The following HPSE2 variants were observed in gnomAD, a reference collection of about 807,000 sequenced individuals.
The protein encoded by HPSE2 is heparanase 2 (inactive).
In HPSE2, 38 loss-of-function variants were observed where a neutral mutation model predicts 60.5. That is an observed-to-expected ratio of 0.63 (90% CI 0.48 to 0.82). HPSE2 has a LOEUF of 0.82. HPSE2 is among the 40% of genes least tolerant of loss of function. The pLI is 0.00. For synonymous variants in HPSE2, 295 were observed against 293.2 expected, an observed-to-expected ratio of 1.01 and a Z score of -0.06; for missense variants, 713 against 740.4, an observed-to-expected ratio of 0.96 and a Z score of 0.43.
chr10:98,907,751 G>A (rs1426883238), intron 3 of HPSE2, among the ~76,000 whole-genome samples: 1 of 152,110 alleles, frequency 6.6e-6, no homozygotes, highest in South Asian at 2.1e-4. Flanking sequence ...AGTCAATCTG[G>A]ATAAAAACAC....
In HPSE2 at chr10:99,002,089, G is replaced by A. The variant is rs182340459; in HGVS notation, c.610+142149C>T. On this transcript the variant is annotated intron_variant, in intron 3 of 11. Coordinates refer to ENST00000370552, the MANE Select transcript of HPSE2 (RefSeq NM_021828.5). ...ACAAAAATCTGCAATGAGGAGGTAC[G>A]TCAAAGAGACATGGGAGCCAACTGA... 5.3e-5 allele frequency among the ~76,000 whole-genome samples: 8 copies of A among 152,178 alleles called. No homozygotes were observed. In the East Asian group the frequency reaches 1.4e-3, roughly 26 times the overall value.
intron 11 of HPSE2, chr10:98,461,838 C>A: frequency 6.4e-7 from 1 of 1,568,798 alleles, no homozygotes; most frequent in Non-Finnish European, 8.7e-7. Context: ...TGCAAAACAA[C>A]GTGTGATTAG....
At chr10:98,674,474 C>G (rs1400151358) in intron 6 of HPSE2, among the ~76,000 whole-genome samples, 2 of 152,200 alleles carry the variant, frequency 1.3e-5, no homozygotes, top group Non-Finnish European at 2.9e-5. Context: ...GACATGAGAA[C>G]AGTAATCACA....
At chr10:98,591,266 G>C (rs1282745006) in intron 9 of HPSE2, among the ~76,000 whole-genome samples, 2 of 152,152 alleles carry the variant, frequency 1.3e-5, no homozygotes, top group African/African-American at 2.4e-5. Flanking sequence ...AATTTACATG[G>C]AGCACCACGT....
At chr10:98,480,588 G>A (rs1251653988) in intron 11 of HPSE2, among the ~76,000 whole-genome samples, 3 of 152,144 alleles carry the variant, frequency 2.0e-5, no homozygotes, top group Non-Finnish European at 4.4e-5. Flanking sequence ...TAGGGGTGGG[G>A]TAAATAGGTT....
chr10:98,900,790 T>C (rs34961884), intron 3 of HPSE2, among the ~76,000 whole-genome samples: 68,396 of 152,006 alleles, frequency 0.45, 17,981 homozygotes, highest in Non-Finnish European at 0.6. Flanking sequence ...TACCATCACT[T>C]TGCAAACACA....
intron 3 of HPSE2, among the ~76,000 whole-genome samples, chr10:98,842,476 G>A (rs1951937908): frequency 6.7e-6 from 1 of 150,146 alleles, no homozygotes; most frequent in Non-Finnish European, 1.5e-5. Context: ...AATTCATTGA[G>A]CTTTAATATC....
chr10:99,165,518 CATTTATTTACGT>C (rs1471890482), intron 2 of HPSE2, among the ~76,000 whole-genome samples: 5 of 138,854 alleles, frequency 3.6e-5, no homozygotes, highest in Non-Finnish European at 6.2e-5. Context: ...TTGTTCTGTT[CATTTATTTACGT>C]ATTTATTTAT....
At chr10:98,875,016 A>C (rs531389152) in intron 3 of HPSE2, among the ~76,000 whole-genome samples, 33 of 152,170 alleles carry the variant, frequency 2.2e-4, no homozygotes, top group African/African-American at 6.5e-4. Flanking sequence ...GTTTGCCAGT[A>C]TTTTATTGAG....
At chr10:98,734,178 T>C (rs1029978451) in intron 4 of HPSE2, among the ~76,000 whole-genome samples, 1 of 152,222 alleles carries the variant, frequency 6.6e-6, no homozygotes, top group African/African-American at 2.4e-5. Context: ...TTGTAGAATG[T>C]ATCAGTACTT....
At chr10:98,631,414 A>C (rs1946361803) in intron 7 of HPSE2, among the ~76,000 whole-genome samples, 1 of 152,208 alleles carries the variant, frequency 6.6e-6, no homozygotes, top group African/African-American at 2.4e-5. Context: ...AGTGAGAGAG[A>C]GATTGGAAAG....
intron 9 of HPSE2, among the ~76,000 whole-genome samples, chr10:98,558,429 T>C (rs1944076077): frequency 6.6e-6 from 1 of 152,244 alleles, no homozygotes; most frequent in African/African-American, 2.4e-5. Context: ...CATCCCACAA[T>C]GAGAATGAGC....
At chr10:99,184,428 G>A (rs186296818) in intron 2 of HPSE2, among the ~76,000 whole-genome samples, 26 of 149,978 alleles carry the variant, frequency 1.7e-4, no homozygotes, top group Admixed American at 1.1e-3. Flanking sequence ...GGGAGGCTGA[G>A]GCAGTGGAAT....
intron 6 of HPSE2, among the ~76,000 whole-genome samples, chr10:98,655,427 C>G (rs1329350969): frequency 6.6e-6 from 1 of 152,148 alleles, no homozygotes. Context: ...AGTGCTGATA[C>G]CAGCTTATGG....
intron 3 of HPSE2, among the ~76,000 whole-genome samples, chr10:99,109,503 C>T (rs1333644531): frequency 6.6e-6 from 1 of 152,062 alleles, no homozygotes; most frequent in Admixed American, 6.6e-5. Context: ...GATTATTTCG[C>T]AGCTGAAACT....
At position 99,235,409 on chromosome 10, in the gene HPSE2, T is replaced by C. The variant is rs1478630813; in HGVS notation, c.290+104A>G. On this transcript the variant is annotated intron_variant, in intron 1 of 11. Transcript: ENST00000370552. ...CCTCTTTTCTTCTCTTTGAGAGATCTGCTTGGCTTATTTTCTTCTTTCCCC... is the reference window on the plus strand; with the variant it reads ...CCTCTTTTCTTCTCTTTGAGAGATCCGCTTGGCTTATTTTCTTCTTTCCCC... 4.7e-6 allele frequency: 5 copies of C among 1,074,700 alleles called. No homozygotes were observed. In the South Asian group the frequency reaches 5.0e-5, roughly 11 times the overall value. The allele number at this position is 1,074,700 out of a possible 1,614,324, so 66.6% of individuals were successfully genotyped here. A position where few individuals can be genotyped will look rare whatever the true frequency, so the allele number is the denominator to read the frequency against.
the HPSE2 span, among the ~76,000 whole-genome samples, chr10:99,246,179 G>A: frequency 6.6e-6 from 1 of 152,172 alleles, no homozygotes; most frequent in Admixed American, 6.5e-5. Context: ...GACTTTTCAT[G>A]GACCAATGTT....
At position 98,942,103 on chromosome 10, in the gene HPSE2, A is replaced by G. The variant is rs1481942678; in HGVS notation, c.611-198047T>C. Among the ~76,000 whole-genome samples, 6 of 141,032 alleles carry G rather than the reference A, an allele frequency of 4.3e-5. 1 individual carries two copies. The highest frequency in any genetic ancestry group is 8.8e-5 in the African/African-American group (3 of 34,216). 92.5% of individuals were successfully genotyped at this position (141,032 alleles called of 152,430 possible). Reference sequence around the variant, plus strand: ...TTCAAGATGGATTAAAGACTTAAACATTAGACCTAAAACCATAAAAACCCT... The same window carrying G: ...TTCAAGATGGATTAAAGACTTAAACGTTAGACCTAAAACCATAAAAACCCT... On this transcript the variant is annotated intron_variant, in intron 3 of 11. Transcript: ENST00000370552.
intron 3 of HPSE2, among the ~76,000 whole-genome samples, chr10:99,096,096 A>T (rs915372272): frequency 2.0e-5 from 3 of 152,178 alleles, no homozygotes; most frequent in Non-Finnish European, 2.9e-5. Context: ...ATCTTCATAA[A>T]GTTCATATAT....
Sources: gnomAD v4.1 joint callset for allele counts (sites outside exome capture counted in the v4.1 genomes callset) on GRCh38, gnomAD v4.1.1 for gene constraint, MANE v1.5 for transcripts, NCBI Gene and HGNC (gene_info 2026-07-23, HGNC 2026-07-21) for gene names.